The following WRN variants were observed in gnomAD, a reference collection of about 807,000 sequenced individuals.
WRN encodes bifunctional 3'-5' exonuclease/ATP-dependent helicase WRN.
Under a neutral mutation model 180.7 loss-of-function variants are expected in WRN, and 149 were observed. That is an observed-to-expected ratio of 0.82 (90% CI 0.72 to 0.94). WRN has a LOEUF of 0.94. Ranked by LOEUF, WRN falls within the 40% of genes least tolerant of loss-of-function variation. The pLI is 0.00. For missense variants in WRN, 1,661 were observed against 1,700.1 expected, an observed-to-expected ratio of 0.98 and a Z score of 0.40; for synonymous variants, 548 against 568.9, an observed-to-expected ratio of 0.96 and a Z score of 0.52.
intron 1 of WRN, among the ~76,000 whole-genome samples, chr8:31,044,942 G>A (rs1013706563): frequency 2.0e-5 from 3 of 152,180 alleles, no homozygotes; most frequent in Non-Finnish European, 4.4e-5. Context: ...TGTAATTACT[G>A]ACTTGAAGGT....
In WRN at chr8:31,086,201, T is replaced by A. The variant is rs529996610; in HGVS notation, c.1431+955T>A. ...ATTCCTAATCTTTAGGTTGATGAGA[T>A]TTTTTTATTTTTATGAAATGAGATT... is the stretch of plus-strand genomic sequence containing the variant. On this transcript the variant is annotated intron_variant, in intron 11 of 34. Transcript: ENST00000298139. Among the ~76,000 whole-genome samples the A allele has an allele frequency of 7.9e-5, 3 of 37,808 alleles. No individual in the cohort carries two copies. In the East Asian group the frequency reaches 3.0e-3, roughly 38 times the overall value. 24.8% of individuals were successfully genotyped at this position (37,808 alleles called of 152,430 possible).
In WRN at chr8:31,141,541, T is replaced by C. The variant is rs2130415539; in HGVS notation, c.3079T>C (p.Phe1027Leu). ...AFSRQLITEG[F>L]LVEVSRYNKF... ...TTCCCGTCAGCTGATCACTGAGGGA[T>C]TCTTGGTAGAAGTTTCTCGGTATAA... The change falls in exon 25 of 35, where the codon TTC becomes CTC. Residue 1027 changes from phenylalanine (F) to leucine (L), a missense_variant. Around this residue, in one of 3 missense-constraint regions of WRN, gnomAD observed 1,141 missense variants for 1,149.4 expected, o/e 0.99. Coordinates refer to ENST00000298139, the MANE Select transcript of WRN (RefSeq NM_000553.6). 6.2e-7 allele frequency: 1 copy of C among 1,614,166 alleles called. No individual in the cohort carries two copies. Among genetic ancestry groups the C allele is most frequent in the East Asian group, 2.2e-5 (1 of 44,872 alleles).
chr8:31,100,539 G>A (rs11574271), intron 17 of WRN, among the ~76,000 whole-genome samples: 2,284 of 152,266 alleles, frequency 0.015, 28 homozygotes, highest in Non-Finnish European at 0.023. Context: ...GATAGTTTTG[G>A]AGGCAAAGTC....
At chr8:31,037,739 T>C (rs1811503291) in intron 1 of WRN, among the ~76,000 whole-genome samples, 1 of 152,242 alleles carries the variant, frequency 6.6e-6, no homozygotes, top group Non-Finnish European at 1.5e-5. Context: ...TCTGTTCTAT[T>C]ATCTGTGTGT....
chr8:31,100,401 A>G (rs1051106117), intron 17 of WRN, among the ~76,000 whole-genome samples: 1 of 152,202 alleles, frequency 6.6e-6, no homozygotes, highest in Non-Finnish European at 1.5e-5. Context: ...TCTTTGCAAT[A>G]TGATATGTGA....
rs894245552 is a variant in WRN, at chr8:31,115,399, G to T, written c.2274-955G>T. Among the ~76,000 whole-genome samples, 5 of 152,034 alleles carry T rather than the reference G, an allele frequency of 3.3e-5. No homozygotes were observed. In the South Asian group the frequency reaches 6.2e-4, roughly 19 times the overall value. ...GTGGCTTTTGCCACAGTCCTTAAAG[G>T]TTTTATAATTTTTTTAATGTTTAAT... On this transcript the variant is annotated intron_variant, in intron 19 of 34. Coordinates refer to ENST00000298139, the MANE Select transcript of WRN (RefSeq NM_000553.6).
intron 26 of WRN, 82 bp downstream of exon 26, chr8:31,141,857 C>T (rs991056967): frequency 1.5e-6 from 2 of 1,314,738 alleles, no homozygotes; most frequent in Admixed American, 1.9e-5. Flanking sequence ...GTTTATAGGC[C>T]TCTCACAAGT....
chr8:31,134,954 G>T (rs1802342161), intron 24 of WRN, among the ~76,000 whole-genome samples: 1 of 152,118 alleles, frequency 6.6e-6, no homozygotes, highest in South Asian at 2.1e-4. Context: ...AAGCTCTAAA[G>T]TTGCAGCTGT....
intron 26 of WRN, among the ~76,000 whole-genome samples, chr8:31,142,424 T>C (rs1802676910): frequency 6.6e-6 from 1 of 152,220 alleles, no homozygotes; most frequent in Non-Finnish European, 1.5e-5. Flanking sequence ...TACCTTTACA[T>C]GTGATTGATC....
chr8:31,059,205 C>G lies in WRN; in HGVS notation c.149C>G (p.Thr50Ser), dbSNP rs1253538412. ...GATGACCTCCCCTTCTTAGAATTCA[C>G]TGGATCCATTGTGTATAGTTACGAT... The part of the protein sequence containing the change: ...FEDDLPFLEF[T>S]GSIVYSYDAS... Residue 50 changes from threonine to serine, a missense_variant, in exon 3 of 35, where the codon ACT (threonine) becomes AGT (serine). Coordinates refer to ENST00000298139, the MANE Select transcript of WRN (RefSeq NM_000553.6). The G allele has an allele frequency of 1.2e-6, 2 of 1,613,860 alleles. No homozygotes were observed. Among genetic ancestry groups the G allele is most frequent in the Non-Finnish European group, 1.7e-6 (2 of 1,179,892 alleles).
rs1801365154 is a variant in WRN at position 31,112,696 on chromosome 8, C to T, written c.2273+897C>T. Among the ~76,000 whole-genome samples, 3 of 152,126 alleles carry T rather than the reference C, an allele frequency of 2.0e-5. No individual in the cohort carries two copies. In the South Asian group the frequency reaches 6.2e-4, roughly 32 times the overall value. ...CCACCTCCTGGGTTCAAGCTATTCT[C>T]CTGCCTCAGTCTCCCAAGTAGCTGA... is the stretch of plus-strand genomic sequence containing the variant. On this transcript the variant is annotated intron_variant, in intron 19 of 34. Transcript: ENST00000298139.
intron 8 of WRN, 130 bp from the exon 9 acceptor site, chr8:31,080,737 A>T: frequency 1.3e-6 from 1 of 743,050 alleles, no homozygotes; most frequent in Non-Finnish European, 2.1e-6. Flanking sequence ...AATGAAGAAC[A>T]GCCTTAATAC....
chr8:31,091,366 A>G (rs1813741579), intron 15 of WRN, among the ~76,000 whole-genome samples: 4 of 152,096 alleles, frequency 2.6e-5, no homozygotes, highest in Non-Finnish European at 5.9e-5. Flanking sequence ...TTCATGGGGT[A>G]CTGTAGTATT....
At chr8:31,061,527 AT>A (rs5890548) in intron 3 of WRN, among the ~76,000 whole-genome samples, 39 of 144,922 alleles carry the variant, frequency 2.7e-4, no homozygotes, top group African/African-American at 3.3e-4. Context: ...ACAGCTGTTA[AT>A]TTTTTTTTTT....
At chr8:31,118,627 T>C (rs1285273615) in intron 20 of WRN, among the ~76,000 whole-genome samples, 2 of 152,048 alleles carry the variant, frequency 1.3e-5, no homozygotes, top group Non-Finnish European at 2.9e-5. Context: ...GCTCTAAAAG[T>C]GGAGGTGACA....
In WRN at chr8:31,100,826, T is replaced by G. The variant is rs750832589; in HGVS notation, c.1982-23T>G. ...TCCTTTCGAGCTTTATCTTTTCCTTTATGTGTTTTTCTTTTTTTACAGGTA... is the reference window on the plus strand; with the variant it reads ...TCCTTTCGAGCTTTATCTTTTCCTTGATGTGTTTTTCTTTTTTTACAGGTA... On this transcript the variant is annotated intron_variant, in intron 17 of 34. Coordinates refer to ENST00000298139, the MANE Select transcript of WRN (RefSeq NM_000553.6). The G allele has an allele frequency of 2.0e-6, 3 of 1,478,092 alleles. No individual in the cohort carries two copies. In the East Asian group the frequency reaches 7.4e-5, roughly 36 times the overall value. 91.6% of individuals were successfully genotyped at this position (1,478,092 alleles called of 1,614,324 possible).
intron 1 of WRN, among the ~76,000 whole-genome samples, chr8:31,038,512 T>C (rs758678026): frequency 1.4e-4 from 21 of 152,076 alleles, no homozygotes; most frequent in Non-Finnish European, 3.1e-4. Flanking sequence ...TCCCATTTTG[T>C]GGGTTTTCTT....
intron 30 of WRN, 133 bp downstream of exon 30, chr8:31,147,609 G>T: frequency 1.2e-6 from 1 of 806,380 alleles, no homozygotes; most frequent in Admixed American, 2.1e-5. Context: ...CCCCTGCTGC[G>T]ATGCTTATCT....
intron 10 of WRN, among the ~76,000 whole-genome samples, chr8:31,084,630 C>A (rs1813453307): frequency 6.6e-6 from 1 of 152,116 alleles, no homozygotes; most frequent in Non-Finnish European, 1.5e-5. Flanking sequence ...AAAGTTTCCT[C>A]ATACCCAAAC....
Sources: gnomAD v4.1 joint callset for allele counts (sites outside exome capture counted in the v4.1 genomes callset) on GRCh38, gnomAD v4.1.1 for gene constraint, gnomAD v4.1.1 regional missense constraint, MANE v1.5 for transcripts, NCBI Gene and HGNC (gene_info 2026-07-23, HGNC 2026-07-21) for gene names.